Variants in MOBP observed in about 807,000 individuals in gnomAD.
MOBP encodes the protein myelin associated oligodendrocyte basic protein, also known as myelin-associated oligodendrocyte basic protein.
A neutral mutation model predicts 15.0 loss-of-function variants in MOBP; 5 were observed. The observed-to-expected ratio is 0.33, with a 90% CI of 0.17 to 0.70. The LOEUF is 0.70. Among genes scored for constraint, MOBP ranks in the 30% least tolerant of loss-of-function variants. The probability of loss-of-function intolerance (pLI) is 0.67; values close to 1 mark genes in which losing one functional copy is unlikely to be tolerated. For synonymous variants in MOBP, 88 were observed against 99.0 expected, an observed-to-expected ratio of 0.89 and a Z score of 0.66; for missense variants, 188 against 257.8, an observed-to-expected ratio of 0.73 and a Z score of 1.85.
chr3:39,474,423 T>C (rs1027239261), intron 1 of MOBP, among the ~76,000 whole-genome samples: 1 of 152,264 alleles, frequency 6.6e-6, no homozygotes, highest in Non-Finnish European at 1.5e-5. Context: ...GTGAACGTCA[T>C]AGAGTGTACT....
intron 2 of MOBP, among the ~76,000 whole-genome samples, chr3:39,498,906 CAGCTG>C (rs755027187): frequency 3.9e-5 from 6 of 152,184 alleles, no homozygotes; most frequent in Non-Finnish European, 8.8e-5. Flanking sequence ...GGCATTACAT[CAGCTG>C]GAGCAGTGAG....
At chr3:39,525,889 T>A (rs2043317882), downstream of MOBP, 1 of 152,280 alleles carries the variant, frequency 6.6e-6, no homozygotes, top group Non-Finnish European at 1.5e-5. Flanking sequence ...CAGGGAAATT[T>A]GACTGCATGG....
intron 2 of MOBP, among the ~76,000 whole-genome samples, chr3:39,484,229 G>A (rs1479294567): frequency 6.6e-6 from 1 of 152,224 alleles, no homozygotes; most frequent in Non-Finnish European, 1.5e-5. Context: ...ATAGGGAAAA[G>A]GCATTCCAGG....
At chr3:39,500,369 C>T (rs1335759920) in intron 2 of MOBP, among the ~76,000 whole-genome samples, 1 of 152,070 alleles carries the variant, frequency 6.6e-6, no homozygotes, top group African/African-American at 2.4e-5. Flanking sequence ...ATTTATTACA[C>T]CTTAAATAAC....
At chr3:39,481,499 CCT>C (rs2042627526) in intron 2 of MOBP, among the ~76,000 whole-genome samples, 1 of 152,136 alleles carries the variant, frequency 6.6e-6, no homozygotes, top group African/African-American at 2.4e-5. Context: ...TCTATTTCTT[CCT>C]CTCTACTTCC....
At chr3:39,504,255 G>C (rs1417844267), downstream of MOBP, among the ~76,000 whole-genome samples, 1 of 152,200 alleles carries the variant, frequency 6.6e-6, no homozygotes, top group African/African-American at 2.4e-5. Context: ...AAGGGTCCTA[G>C]GACAGGTAAG....
chr3:39,502,431 TG>T lies in MOBP; in HGVS notation c.207-99del. 1 of 1,522,798 alleles carries T rather than the reference TG, an allele frequency of 6.6e-7. No individual in the cohort carries two copies. The allele number at this position is 1,522,798 out of a possible 1,614,324, so 94.3% of individuals were successfully genotyped here. On this transcript the variant is annotated intron_variant, in intron 3 of 3. Coordinates refer to ENST00000684792, the MANE Select transcript of MOBP (RefSeq NM_001393704.1). This position sits in a 1 kb window ranked among gnomAD's most constrained non-coding sequence, Gnocchi z 6.3. The stretch of plus-strand genomic sequence containing the variant: ...CACTCCAGGGAGACTGGAAGGTGGG[TG>T]GGGGAGCAGGGCCTTCCTACCTGTT...
At position 39,502,229 on chromosome 3, in the gene MOBP, C is replaced by T. The variant is rs1310108761; in HGVS notation, c.160C>T (p.Gln54Ter). The change falls in exon 3 of 4, where the codon CAG becomes TAG. Residue 54 changes from glutamine to a stop codon, truncating the protein, a stop_gained. Coordinates refer to ENST00000684792, the MANE Select transcript of MOBP (RefSeq NM_001393704.1). LOFTEE classifies it high-confidence loss of function. The surrounding 1 kb of genome is among the most constrained non-coding windows in gnomAD (Gnocchi z 6.3). ...CATCTGTAAGAGCGGCTGCTTCTAC[C>T]AGAAGAAAGAGGAGGACTGGATCTG... ...YSICKSGCFY[Q>*]KKEEDWICCA... The T allele has an allele frequency of 6.2e-7, 1 of 1,614,078 alleles. No individual in the cohort carries two copies. Among genetic ancestry groups the T allele is most frequent in the Non-Finnish European group, 8.5e-7 (1 of 1,180,032 alleles).
At chr3:39,520,417 C>CT (rs1440181720), downstream of MOBP, among the ~76,000 whole-genome samples, 1 of 152,166 alleles carries the variant, frequency 6.6e-6, no homozygotes, top group East Asian at 1.9e-4. Context: ...TCTTGTGACA[C>CT]TTTTCCTCTT....
At chr3:39,511,807 C>T (rs1393438215) in intron 4 of MOBP, among the ~76,000 whole-genome samples, 2 of 152,074 alleles carry the variant, frequency 1.3e-5, no homozygotes, top group African/African-American at 2.4e-5. Context: ...AATACACTTG[C>T]AGTCAGTCTG....
Position 39,502,568 on chromosome 3 carries a change from C to G in MOBP, c.240C>G (p.Pro80=), listed in dbSNP as rs371449571. 10 of 1,580,364 alleles carry G rather than the reference C, an allele frequency of 6.3e-6. No homozygotes were observed. The highest frequency in any genetic ancestry group is 8.5e-6 in the Non-Finnish European group (10 of 1,172,290). The change falls in exon 4 of 4, where the codon CCC becomes CCG. Residue 80 remains proline (P), a synonymous_variant. Coordinates refer to ENST00000684792, the MANE Select transcript of MOBP (RefSeq NM_001393704.1). This position sits in a 1 kb window ranked among gnomAD's most constrained non-coding sequence, Gnocchi z 6.3. ...GCCGTGCCAAGTCCCCTCAGAGGCC[C>G]AAGCAACAGCCAGCTGCGCCCCCCG... The part of the protein sequence containing the change: ...TSRRAKSPQR[P]KQQPAAPPAV...
chr3:39,522,475 T>C (rs1037974049), intron 3 of MOBP, among the ~76,000 whole-genome samples: 2 of 152,218 alleles, frequency 1.3e-5, no homozygotes, highest in Non-Finnish European at 2.9e-5. Flanking sequence ...TGGACAACTG[T>C]TGTTTTCTGG....
chr3:39,482,914 G>A (rs764550470), intron 2 of MOBP, among the ~76,000 whole-genome samples: 4 of 151,774 alleles, frequency 2.6e-5, no homozygotes, highest in South Asian at 2.1e-4. Flanking sequence ...AAACACTCTC[G>A]GCCTACTCCT....
chr3:39,477,650 G>A (rs938133491), intron 1 of MOBP, among the ~76,000 whole-genome samples: 10 of 151,308 alleles, frequency 6.6e-5, no homozygotes, highest in Non-Finnish European at 1.3e-4. Flanking sequence ...CCTCAGGCAG[G>A]TTCTTCCTGA....
chr3:39,495,591 A>G (rs181470407), intron 2 of MOBP, among the ~76,000 whole-genome samples: 47 of 151,886 alleles, frequency 3.1e-4, no homozygotes, highest in African/African-American at 1.1e-3. Context: ...GTCTCTACAG[A>G]AGAAAAAAAA....
At chr3:39,503,954 A>G (rs2043014225), downstream of MOBP, among the ~76,000 whole-genome samples, 1 of 152,154 alleles carries the variant, frequency 6.6e-6, no homozygotes, top group Non-Finnish European at 1.5e-5. Context: ...GTGCCTTTTT[A>G]GTAAGCATTC....
At chr3:39,483,511 A>C (rs1260193103) in intron 2 of MOBP, among the ~76,000 whole-genome samples, 1 of 152,172 alleles carries the variant, frequency 6.6e-6, no homozygotes, top group African/African-American at 2.4e-5. Context: ...ACCACTCACT[A>C]GTTGTAGGTG....
At chr3:39,478,930 A>C (rs563718940) in intron 1 of MOBP, among the ~76,000 whole-genome samples, 25 of 152,020 alleles carry the variant, frequency 1.6e-4, no homozygotes, top group African/African-American at 5.8e-4. Flanking sequence ...CCCGGGTTCA[A>C]GCAATTCTCC....
intron 1 of MOBP, among the ~76,000 whole-genome samples, chr3:39,474,158 T>G (rs1313107466): frequency 2.0e-5 from 3 of 152,208 alleles, no homozygotes; most frequent in African/African-American, 7.2e-5. Context: ...GAGTTCCTAC[T>G]CCAATCACTG....
Sources: gnomAD v4.1 joint callset for allele counts (sites outside exome capture counted in the v4.1 genomes callset) on GRCh38, gnomAD v4.1.1 for gene constraint, Gnocchi (gnomAD v3.1) non-coding constraint, MANE v1.5 for transcripts, NCBI Gene and HGNC (gene_info 2026-07-23, HGNC 2026-07-21) for gene names.